The following RAD9A variants were observed in gnomAD, a reference collection of about 807,000 sequenced individuals.
RAD9A encodes the protein RAD9 checkpoint clamp component A.
RAD9A carries 25 observed loss-of-function variants against 41.2 expected under a neutral mutation model. The ratio of observed to expected loss-of-function variants is 0.61; its 90% CI spans 0.44 to 0.85. The LOEUF is 0.85. Among genes scored for constraint, RAD9A ranks in the 40% least tolerant of loss-of-function variants. The probability of loss-of-function intolerance (pLI) is 0.00; values close to 1 mark genes in which losing one functional copy is unlikely to be tolerated. For missense variants in RAD9A, 514 were observed against 518.3 expected (o/e 0.99, Z 0.08); for synonymous variants, 252 against 210.6 (o/e 1.20, Z -1.70).
rs2286617 is a variant in RAD9A at position 67,397,052 on chromosome 11, T to C, written c.873-127T>C. 3.3e-5 allele frequency: 22 copies of C among 659,580 alleles called. No homozygotes were observed. In the East Asian group the frequency reaches 5.9e-4, roughly 18 times the overall value. 40.9% of individuals were successfully genotyped at this position (659,580 alleles called of 1,614,324 possible). ...CTGCATCCTCTCCTCTCCAGCCAAATCAGGAAGTCATAAAACCAAGAGATC... is the reference window on the plus strand; with the variant it reads ...CTGCATCCTCTCCTCTCCAGCCAAACCAGGAAGTCATAAAACCAAGAGATC... On this transcript the variant is annotated intron_variant, in intron 9 of 10. Transcript: ENST00000307980.
Position 67,397,746 on chromosome 11 carries a change from C to T in RAD9A, c.*187C>T, listed in dbSNP as rs534012679. The T allele has an allele frequency of 9.2e-4, 552 of 597,660 alleles. 4 individuals are homozygous for T. In the South Asian group the frequency reaches 0.011, roughly 11 times the overall value. The allele number at this position is 597,660 out of a possible 1,614,324, so 37.0% of individuals were successfully genotyped here. ...TGTCCCACAGCGGTCGGGCCTGGGCCGTTATCTCCCCACAACCCCCAGCCA... is the reference window on the plus strand; with the variant it reads ...TGTCCCACAGCGGTCGGGCCTGGGCTGTTATCTCCCCACAACCCCCAGCCA... On this transcript the variant is annotated 3_prime_UTR_variant, in exon 11 of 11. Coordinates refer to ENST00000307980, the MANE Select transcript of RAD9A (RefSeq NM_004584.3).
At chr11:67,392,841 C>T (rs1244095514) in intron 3 of RAD9A, 59 bp downstream of exon 3, 2 of 1,589,962 alleles carry the variant, frequency 1.3e-6, no homozygotes, top group African/African-American at 2.7e-5. Flanking sequence ...ACCAGCTGTG[C>T]CTCTGCCCTG....
In RAD9A at chr11:67,395,741, TTC is replaced by T; in HGVS notation, c.480_481del (p.Pro161CysfsTer4). On this transcript the variant is annotated frameshift_variant, in exon 6 of 11. Transcript: ENST00000307980. LOFTEE classifies it high-confidence loss of function. ...GGTTCTGGGGGAGGCTGTTCTGCCCTTCTCTCCTGCACTGGCTGAAGTGACGC... is the reference window on the plus strand; with the variant it reads ...GGTTCTGGGGGAGGCTGTTCTGCCCTTCTCCTGCACTGGCTGAAGTGACGC... The part of the protein sequence containing the change: ...ARVLGEAVLP[F>X]SPALAEVTLG... The T allele has an allele frequency of 6.2e-7, 1 of 1,611,410 alleles. No homozygotes were observed. The highest frequency in any genetic ancestry group is 1.1e-5 in the South Asian group (1 of 90,772).
intron 9 of RAD9A, 71 bp downstream of exon 9, chr11:67,396,471 G>C: frequency 1.3e-6 from 2 of 1,549,186 alleles, no homozygotes; most frequent in Non-Finnish European, 1.8e-6. Flanking sequence ...GCAACTCCTA[G>C]CTTCTGCACC....
rs1351006052 is a variant in RAD9A, at chr11:67,396,393, G to C, written c.865G>C (p.Ala289Pro). 1 of 1,613,546 alleles carries C rather than the reference G, an allele frequency of 6.2e-7. No individual in the cohort carries two copies. The highest frequency in any genetic ancestry group is 8.5e-7 in the Non-Finnish European group (1 of 1,179,962). ...ERHQPVPQLQ[A>P]HSTPHPDDFA... ...TCACCAGCCAGTGCCTCAGCTCCAGGCTCACAGGTGAGGGCACCTCCCCCC... is the reference window on the plus strand; with the variant it reads ...TCACCAGCCAGTGCCTCAGCTCCAGCCTCACAGGTGAGGGCACCTCCCCCC... The change falls in exon 9 of 11, where the codon GCT (alanine) becomes CCT (proline). Residue 289 changes from alanine to proline, a missense_variant. Physicochemically the swap from Ala to Pro is conservative, Grantham distance 27 (BLOSUM62 -1). Coordinates refer to ENST00000307980, the MANE Select transcript of RAD9A (RefSeq NM_004584.3).
At chr11:67,392,979 A>G (rs1191613850) in intron 3 of RAD9A, 197 bp downstream of exon 3, 2 of 835,648 alleles carry the variant, frequency 2.4e-6, no homozygotes, top group South Asian at 1.8e-5. Flanking sequence ...AAGTTCGTCA[A>G]GAAAGGTAAG....
At position 67,395,784 on chromosome 11, in the gene RAD9A, G is replaced by T. The variant is rs770954193; in HGVS notation, c.518G>T (p.Gly173Val). 1.9e-6 allele frequency: 3 copies of T among 1,613,838 alleles called. No individual in the cohort carries two copies. The South Asian group carries it at 3.3e-5, about 18-fold the overall frequency. ...GAAGTGACGCTGGGCATTGGCCGTG[G>T]CCGCAGGGTCATCCTGCGCAGCTAC... is the stretch of plus-strand genomic sequence containing the variant. Reference protein sequence around the residue: ...LAEVTLGIGRGRRVILRSYHE... With the variant: ...LAEVTLGIGRVRRVILRSYHE... The change falls in exon 6 of 11, where the codon GGC becomes GTC. Residue 173 changes from glycine to valine, a missense_variant. This residue lies in a region of RAD9A where 268 missense variants were observed against 279.3 expected (regional missense o/e 0.96). Coordinates refer to ENST00000307980, the MANE Select transcript of RAD9A (RefSeq NM_004584.3).
chr11:67,393,507 T>C lies in RAD9A; in HGVS notation c.246T>C (p.Ser82=). Residue 82 remains serine, a synonymous_variant, in exon 4 of 11, where the codon TCT becomes TCC. Coordinates refer to ENST00000307980, the MANE Select transcript of RAD9A (RefSeq NM_004584.3). The part of the protein sequence containing the change: ...RCKILMKSFL[S]VFRSLAMLEK... Reference sequence around the variant, plus strand: ...CTTATCCCATGCAGTCTTTCCTGTCTGTCTTCCGCTCACTGGCGATGCTGG... The same window carrying C: ...CTTATCCCATGCAGTCTTTCCTGTCCGTCTTCCGCTCACTGGCGATGCTGG... 6.2e-7 allele frequency: 1 copy of C among 1,614,202 alleles called. No individual in the cohort carries two copies.
rs758340298 is a variant in RAD9A at position 67,395,824 on chromosome 11, A to G, written c.558A>G (p.Ala186=). Residue 186 remains alanine (A), a splice_region_variant and synonymous_variant, in exon 6 of 11, where the codon GCA becomes GCG. Coordinates refer to ENST00000307980, the MANE Select transcript of RAD9A (RefSeq NM_004584.3). ...TGCGCAGCTACCACGAGGAGGAGGC[A>G]GGTGAGGGGGCTGGACGTGGCCTGG... ...VILRSYHEEE[A]DSTAKAMVTE... 1 of 1,613,592 alleles carries G rather than the reference A, an allele frequency of 6.2e-7. No individual in the cohort carries two copies. Among genetic ancestry groups the G allele is most frequent in the Non-Finnish European group, 8.5e-7 (1 of 1,179,930 alleles).
chr11:67,395,711 C>A lies in RAD9A; in HGVS notation c.450-5C>A. ...ATTTCGGGTAATGCTCCACCCTGTT[C>A]ACAGGGTTCTGGGGGAGGCTGTTCT... On this transcript the variant is annotated splice_polypyrimidine_tract_variant and splice_region_variant and intron_variant, in intron 5 of 10. Coordinates refer to ENST00000307980, the MANE Select transcript of RAD9A (RefSeq NM_004584.3). 1 of 1,590,182 alleles carries A rather than the reference C, an allele frequency of 6.3e-7. No individual in the cohort carries two copies. The highest frequency in any genetic ancestry group is 8.6e-7 in the Non-Finnish European group (1 of 1,166,562).
rs1054693346 is a variant in RAD9A, at chr11:67,398,215, C to T, written c.*656C>T. 24 of 399,620 alleles carry T rather than the reference C, an allele frequency of 6.0e-5. No individual in the cohort carries two copies. The highest frequency in any genetic ancestry group is 1.4e-3 in the Middle Eastern group (2 of 1,404). The allele number at this position is 399,620 out of a possible 1,614,324, so 24.8% of individuals were successfully genotyped here. A position where few individuals can be genotyped will look rare whatever the true frequency, so the allele number is the denominator to read the frequency against. On this transcript the variant is annotated 3_prime_UTR_variant, in exon 11 of 11. Transcript: ENST00000307980. Reference sequence around the variant, plus strand: ...CAGCTTTGACCTTTATTCAAGAGACCAGATGGGTTGCCCCAGGATCCGGCT... The same window carrying T: ...CAGCTTTGACCTTTATTCAAGAGACTAGATGGGTTGCCCCAGGATCCGGCT...
intron 3 of RAD9A, 33 bp from the exon 4 acceptor site, chr11:67,393,463 T>C (rs201056207): frequency 6.2e-7 from 1 of 1,609,974 alleles, no homozygotes; most frequent in Non-Finnish European, 8.5e-7. Flanking sequence ...TGCAGAGATG[T>C]GATGCTAGGC....
chr11:67,395,898 T>G lies in RAD9A; in HGVS notation c.560-14T>G, dbSNP rs1862678434. The G allele has an allele frequency of 1.2e-6, 2 of 1,613,838 alleles. No homozygotes were observed. The highest frequency in any genetic ancestry group is 1.3e-5 in the African/African-American group (1 of 74,928). On this transcript the variant is annotated splice_polypyrimidine_tract_variant and intron_variant, in intron 6 of 10. Coordinates refer to ENST00000307980, the MANE Select transcript of RAD9A (RefSeq NM_004584.3). ...AGGGGCGGGGCCCAGGTTACTCCTG[T>G]TCTTCCCCAACAGACAGCACTGCCA... is the stretch of plus-strand genomic sequence containing the variant.
In RAD9A at chr11:67,396,138, A is replaced by G. The variant is rs143361879; in HGVS notation, c.697A>G (p.Asn233Asp). The change falls in exon 8 of 11, where the codon AAC becomes GAC. Residue 233 changes from asparagine to aspartate, a missense_variant. By Grantham distance (23) the Asn-to-Asp change is conservative (BLOSUM62 1). Around this residue, in one of 3 missense-constraint regions of RAD9A, gnomAD observed 30 missense variants for 54.8 expected, o/e 0.55. Transcript: ENST00000307980. ...RGLLSFAESA[N>D]LNLSIHFDAP... ...GCTCCTGAGCTTTGCAGAGTCAGCA[A>G]ACTTGAATCTTAGCATTCATTTTGA... is the stretch of plus-strand genomic sequence containing the variant. 2.2e-5 allele frequency: 36 copies of G among 1,613,900 alleles called. No individual in the cohort carries two copies. In the African/African-American group the frequency reaches 4.3e-4, roughly 19 times the overall value.
At chr11:67,393,185 CAGG>C in intron 3 of RAD9A, 1 of 682,894 alleles carries the variant, frequency 1.5e-6, no homozygotes, top group Non-Finnish European at 2.0e-6. Flanking sequence ...GAGGCTGAGG[CAGG>C]AGAATTGCTT....
At chr11:67,396,888 G>A (rs564305118) in intron 9 of RAD9A, among the ~76,000 whole-genome samples, 6 of 152,188 alleles carry the variant, frequency 3.9e-5, no homozygotes, top group Admixed American at 2.0e-4. Context: ...GGCTCCATGT[G>A]GCCCAGTTCA....
intron 5 of RAD9A, 194 bp from the exon 6 acceptor site, chr11:67,395,522 C>G: frequency 1.7e-6 from 1 of 587,248 alleles, no homozygotes; most frequent in East Asian, 2.9e-5. Flanking sequence ...TCTGCATGGT[C>G]AGGTGCCGCC....
intron 5 of RAD9A, chr11:67,395,444 C>G (rs1862654138): frequency 2.1e-6 from 1 of 487,496 alleles, no homozygotes; most frequent in Non-Finnish European, 3.6e-6. Context: ...GATTTCAGGG[C>G]TCTTTCTGAA....
At chr11:67,393,074 G>T in intron 3 of RAD9A, 1 of 410,038 alleles carries the variant, frequency 2.4e-6, no homozygotes, top group South Asian at 2.7e-5. Flanking sequence ...GAGGTCAGGA[G>T]TTCGAGACCA....
Sources: allele counts gnomAD v4.1 joint callset (sites outside exome capture counted in the v4.1 genomes callset), GRCh38; gene constraint gnomAD v4.1.1; regional missense constraint gnomAD v4.1.1; transcripts MANE v1.5; gene names NCBI Gene and HGNC (gene_info 2026-07-23, HGNC 2026-07-21).